The following PNPLA7 variants were observed in gnomAD, a reference collection of about 807,000 sequenced individuals.
PNPLA7 encodes patatin like domain 7, lysophospholipase.
A neutral mutation model predicts 161.7 loss-of-function variants in PNPLA7; 153 were observed. That is an observed-to-expected ratio of 0.95 (90% confidence interval 0.83 to 1.08). The LOEUF (loss-of-function observed/expected upper bound fraction) is 1.08. Ranked by LOEUF, PNPLA7 falls within the 50% of genes least tolerant of loss-of-function variation. The pLI, the probability that PNPLA7 is intolerant of heterozygous loss-of-function variation, is 0.00. For missense variants in PNPLA7, 1,739 were observed against 1,856.6 expected (o/e 0.94, Z 1.16); for synonymous variants, 809 against 782.1 (o/e 1.03, Z -0.57).
rs958971461 is a variant in PNPLA7 at position 137,468,696 on chromosome 9, C to T, written c.2883-1223G>A. Reference sequence around the variant, plus strand: ...GACGTCAAAGGCTACACTGAGCTGACGTCACACCACTGCACTCCAGCCTGG... The same window carrying T: ...GACGTCAAAGGCTACACTGAGCTGATGTCACACCACTGCACTCCAGCCTGG... On this transcript the variant is annotated intron_variant, in intron 25 of 34. Coordinates refer to ENST00000406427, the MANE Select transcript of PNPLA7 (RefSeq NM_001098537.3). The surrounding 1 kb of genome is among the most constrained non-coding windows in gnomAD (Gnocchi z 4.0). 2.6e-5 allele frequency among the ~76,000 whole-genome samples: 4 copies of T among 151,932 alleles called. No homozygotes were observed. The highest frequency in any genetic ancestry group is 4.4e-5 in the Non-Finnish European group (3 of 67,962).
In PNPLA7 at chr9:137,501,644, G is replaced by A. The variant is rs776944963; in HGVS notation, c.1551+6C>T. The stretch of plus-strand genomic sequence containing the variant: ...TCCCAGTGCCCCCCCCCAGACCCCC[G>A]CTCACCTGGTCTCCCTGCCTTGACA... On this transcript the variant is annotated splice_donor_region_variant and intron_variant, in intron 15 of 34. Coordinates refer to ENST00000406427, the MANE Select transcript of PNPLA7 (RefSeq NM_001098537.3). 20 of 1,606,292 alleles carry A rather than the reference G, an allele frequency of 1.2e-5. No homozygotes were observed. The highest frequency in any genetic ancestry group is 2.7e-5 in the African/African-American group (2 of 74,460).
At chr9:137,494,412 C>G (rs191762710) in intron 19 of PNPLA7, among the ~76,000 whole-genome samples, 1 of 152,178 alleles carries the variant, frequency 6.6e-6, no homozygotes, top group Admixed American at 6.5e-5. Flanking sequence ...ACCGTCACCG[C>G]CCCCACCCAG....
rs746262568 is a variant in PNPLA7 at position 137,543,522 on chromosome 9, G to A, written c.416C>T (p.Pro139Leu). The change falls in exon 6 of 35, where the codon CCG (proline) becomes CTG (leucine). Residue 139 changes from proline (P) to leucine (L), a missense_variant. By Grantham distance (98) the Pro-to-Leu change is moderately conservative. Coordinates refer to ENST00000406427, the MANE Select transcript of PNPLA7 (RefSeq NM_001098537.3). The surrounding 1 kb of genome is among the most constrained non-coding windows in gnomAD (Gnocchi z 6.9). Reference sequence around the variant, plus strand: ...GAGGTCGGCCTCCAGCAGGGAGGGCGGGGGCTCCTTGGGCTGCAGGGCCGG... The same window carrying A: ...GAGGTCGGCCTCCAGCAGGGAGGGCAGGGGCTCCTTGGGCTGCAGGGCCGG... Reference protein sequence around the residue: ...EYPALQPKEPPPSLLEADLTE... With the variant: ...EYPALQPKEPLPSLLEADLTE... 1.8e-5 allele frequency: 29 copies of A among 1,613,878 alleles called. No homozygotes were observed. The South Asian group carries it at 2.7e-4, about 15-fold the overall frequency.
chr9:137,534,295 G>C (rs373295083), intron 8 of PNPLA7, among the ~76,000 whole-genome samples: 1 of 150,984 alleles, frequency 6.6e-6, no homozygotes, highest in African/African-American at 2.4e-5. Context: ...CCAGACGGGG[G>C]CACTCCCAGG....
At chr9:137,515,349 A>T in intron 12 of PNPLA7, 30 bp downstream of exon 12, 2 of 1,591,700 alleles carry the variant, frequency 1.3e-6, no homozygotes, top group Non-Finnish European at 1.7e-6. Context: ...TGTGGGTCAC[A>T]CTGGCTGGGC....
chr9:137,542,675 C>T lies in PNPLA7; in HGVS notation c.633G>A (p.Gln211=), dbSNP rs750128065. 1.3e-5 allele frequency: 21 copies of T among 1,612,996 alleles called. No homozygotes were observed. The highest frequency in any genetic ancestry group is 3.3e-5 in the Admixed American group (2 of 60,028). ...GGATGCAGACCTCCAGCCGCCCGTC[C>T]TGCACCACACAGATGCTGGGGTCCG... ...REPDPSICVV[Q]DGRLEVCIQD... The change falls in exon 7 of 35, where the codon CAG becomes CAA. Residue 211 remains glutamine (Q), a synonymous_variant. Transcript: ENST00000406427.
chr9:137,477,571 T>G (rs1831997235), intron 25 of PNPLA7, among the ~76,000 whole-genome samples: 1 of 152,014 alleles, frequency 6.6e-6, no homozygotes, highest in Non-Finnish European at 1.5e-5. Context: ...TGCCTCAGCC[T>G]CCAAGCAGCT....
chr9:137,488,556 A>G (rs1179801559), intron 20 of PNPLA7, among the ~76,000 whole-genome samples: 2 of 152,114 alleles, frequency 1.3e-5, no homozygotes, highest in Non-Finnish European at 2.9e-5. Flanking sequence ...CTGGCCGGGG[A>G]CCTCGGACTC....
intron 11 of PNPLA7, among the ~76,000 whole-genome samples, chr9:137,519,365 G>A (rs960208705): frequency 1.3e-5 from 2 of 152,190 alleles, no homozygotes; most frequent in Non-Finnish European, 2.9e-5. Context: ...AGCCCATCGC[G>A]GGAGGCCCAC....
At chr9:137,493,569 G>A (rs1260773961) in intron 19 of PNPLA7, among the ~76,000 whole-genome samples, 1 of 152,264 alleles carries the variant, frequency 6.6e-6, no homozygotes, top group African/African-American at 2.4e-5. Flanking sequence ...ACCAGGGGTT[G>A]CTGGCTTGCA....
At position 137,524,981 on chromosome 9, in the gene PNPLA7, C is replaced by T. The variant is rs779293118; in HGVS notation, c.748-2124G>A. 1.8e-4 allele frequency among the ~76,000 whole-genome samples: 28 copies of T among 152,236 alleles called. No individual in the cohort carries two copies. Among genetic ancestry groups the T allele is most frequent in the Non-Finnish European group, 3.7e-4 (25 of 68,042 alleles). On this transcript the variant is annotated intron_variant, in intron 8 of 34. Transcript: ENST00000406427. The surrounding 1 kb of genome is among the most constrained non-coding windows in gnomAD (Gnocchi z 4.4). ...GAGAAAGCCCTCAAGATCTTAGAAG[C>T]TCCTGGAAGTGTCTTTTTATTCACA...
rs1832188925 is a variant in PNPLA7, at chr9:137,480,943, G to A, written c.2411+17C>T. 4 of 1,551,194 alleles carry A rather than the reference G, an allele frequency of 2.6e-6. No individual in the cohort carries two copies. The highest frequency in any genetic ancestry group is 3.5e-6 in the Non-Finnish European group (4 of 1,146,824). ...TGGGCCGGCTGGGAGGAAGGAGTCG[G>A]GGCTGGCGGCACGCACCTGTCCAGG... On this transcript the variant is annotated intron_variant, in intron 22 of 34. Coordinates refer to ENST00000406427, the MANE Select transcript of PNPLA7 (RefSeq NM_001098537.3).
chr9:137,534,176 C>T (rs557236361), intron 8 of PNPLA7, among the ~76,000 whole-genome samples: 2 of 148,498 alleles, frequency 1.3e-5, no homozygotes, highest in African/African-American at 5.0e-5. Context: ...GGGAGCACCC[C>T]CAGACTCCTC....
rs769430527 is a variant in PNPLA7 at position 137,497,221 on chromosome 9, G to T, written c.1979C>A (p.Ala660Asp). Residue 660 changes from alanine to aspartate, a missense_variant, in exon 18 of 35, where the codon GCC (alanine) becomes GAC (aspartate). Transcript: ENST00000406427. ...IRKDDGKKRLAGEYGRGDLVG... is the reference protein window; with the variant it reads ...IRKDDGKKRLDGEYGRGDLVG... ...GAGGTCTCCTCGGCCGTACTCCCCGGCCAGGCGCTTCTTCCCATCATCCTT... is the reference window on the plus strand; with the variant it reads ...GAGGTCTCCTCGGCCGTACTCCCCGTCCAGGCGCTTCTTCCCATCATCCTT... 1 of 1,588,308 alleles carries T rather than the reference G, an allele frequency of 6.3e-7. No individual in the cohort carries two copies. The highest frequency in any genetic ancestry group is 1.2e-5 in the South Asian group (1 of 86,872).
At chr9:137,473,655 C>T (rs187635973) in intron 25 of PNPLA7, among the ~76,000 whole-genome samples, 9 of 152,320 alleles carry the variant, frequency 5.9e-5, no homozygotes, top group African/African-American at 1.2e-4. Flanking sequence ...TAAATGGATA[C>T]TCCACAAAAG....
At position 137,541,323 on chromosome 9, in the gene PNPLA7, G is replaced by T; in HGVS notation, c.667-601C>A. 1.6e-6 allele frequency: 1 copy of T among 628,042 alleles called. No homozygotes were observed. Among genetic ancestry groups the T allele is most frequent in the Non-Finnish European group, 2.0e-6 (1 of 503,540 alleles). The allele number at this position is 628,042 out of a possible 1,614,324, so 38.9% of individuals were successfully genotyped here. ...AAAGCCGCTGCTTCACCAGCTGGGC[G>T]GCCTCATCCCCAGGAGCTACTGGCT... On this transcript the variant is annotated intron_variant, in intron 7 of 34. Coordinates refer to ENST00000406427, the MANE Select transcript of PNPLA7 (RefSeq NM_001098537.3). The surrounding 1 kb of genome is among the most constrained non-coding windows in gnomAD (Gnocchi z 4.4).
Position 137,481,011 on chromosome 9 carries a change from A to T in PNPLA7, c.2360T>A (p.Leu787Gln). The T allele has an allele frequency of 6.4e-7, 1 of 1,551,680 alleles. No individual in the cohort carries two copies. Among genetic ancestry groups the T allele is most frequent in the Non-Finnish European group, 8.7e-7 (1 of 1,146,964 alleles). ...HALSAIGPTL[L>Q]LTSDNIKRRL... Reference sequence around the variant, plus strand: ...CCGTTTTATGTTGTCACTAGTCAGCAGCAGGGTCGGGCCTGAAAACACCAC... The same window carrying T: ...CCGTTTTATGTTGTCACTAGTCAGCTGCAGGGTCGGGCCTGAAAACACCAC... Residue 787 changes from leucine (L) to glutamine (Q), a missense_variant, in exon 22 of 35, where the codon CTG becomes CAG. Physicochemically the swap from Leu to Gln is moderately radical, Grantham distance 113. This residue lies in a region of PNPLA7 where 192 missense variants were observed against 249.5 expected (regional missense o/e 0.77). Coordinates refer to ENST00000406427, the MANE Select transcript of PNPLA7 (RefSeq NM_001098537.3).
rs1482669892 is a variant in PNPLA7 at position 137,514,760 on chromosome 9, G to A, written c.1225+619C>T. On this transcript the variant is annotated intron_variant, in intron 12 of 34. Coordinates refer to ENST00000406427, the MANE Select transcript of PNPLA7 (RefSeq NM_001098537.3). ...GGGTCACCTGGCTGTTGAGATGCCC[G>A]GGCCCTGTGGCCGGGCTGCAGGTGG... Among the ~76,000 whole-genome samples, 6 of 141,666 alleles carry A rather than the reference G, an allele frequency of 4.2e-5. 1 individual carries two copies. The East Asian group carries it at 1.3e-3, about 31-fold the overall frequency. 92.9% of individuals were successfully genotyped at this position (141,666 alleles called of 152,430 possible). A position where few individuals can be genotyped will look rare whatever the true frequency, so the allele number is the denominator to read the frequency against.
intron 21 of PNPLA7, 46 bp downstream of exon 21, chr9:137,484,541 G>C: frequency 6.5e-7 from 1 of 1,528,430 alleles, no homozygotes; most frequent in East Asian, 2.3e-5. Flanking sequence ...CCCTCCACCA[G>C]GCCCAGAACC....
Sources: gnomAD v4.1 joint callset for allele counts (sites outside exome capture counted in the v4.1 genomes callset) on GRCh38, gnomAD v4.1.1 for gene constraint, gnomAD v4.1.1 regional missense constraint, Gnocchi (gnomAD v3.1) non-coding constraint, MANE v1.5 for transcripts, NCBI Gene and HGNC (gene_info 2026-07-23, HGNC 2026-07-21) for gene names.